PGLS: variants seen among roughly 807,000 people sequenced by gnomAD.
PGLS encodes the protein epididymis secretory protein Li 304.
Under a neutral mutation model 23.2 loss-of-function variants are expected in PGLS, and 21 were observed. That is an observed-to-expected ratio of 0.91 (90% CI 0.64 to 1.31). PGLS has a LOEUF of 1.31. Ranked by LOEUF, PGLS falls within the 50% of genes most tolerant of loss-of-function variation. The probability of loss-of-function intolerance (pLI) is 0.00; values close to 1 mark genes in which losing one functional copy is unlikely to be tolerated. For missense variants in PGLS, 410 were observed against 354.0 expected (o/e 1.16, Z -1.27); for synonymous variants, 179 against 165.4 (o/e 1.08, Z -0.63).
At chr19:17,520,675 G>C (rs1947483473) in intron 4 of PGLS, 1 of 284,264 alleles carries the variant, frequency 3.5e-6, no homozygotes, top group Non-Finnish European at 6.4e-6. Context: ...AGGTTGCCGT[G>C]AGCCAAGATC....
chr19:17,518,987 C>T (rs948658994), intron 4 of PGLS, among the ~76,000 whole-genome samples: 4 of 152,140 alleles, frequency 2.6e-5, no homozygotes, highest in African/African-American at 7.2e-5. Context: ...ATTACCACTG[C>T]ACTGGGGAAC....
intron 4 of PGLS, among the ~76,000 whole-genome samples, chr19:17,519,694 C>A (rs1454655513): frequency 6.6e-6 from 1 of 152,160 alleles, no homozygotes; most frequent in African/African-American, 2.4e-5. Context: ...ACCACCGCAC[C>A]CGGCCCAGAA....
chr19:17,517,369 C>T lies in PGLS; in HGVS notation c.478C>T (p.Pro160Ser). 1 of 1,613,484 alleles carries T rather than the reference C, an allele frequency of 6.2e-7. No individual in the cohort carries two copies. Among genetic ancestry groups the T allele is most frequent in the Non-Finnish European group, 8.5e-7 (1 of 1,179,496 alleles). ...CGATGGTCACACCTGCTCACTCTTC[C>T]CAGACCACCCCCTCCTACAGGTGAG... ...GPDGHTCSLFPDHPLLQEREK... is the reference protein window; with the variant it reads ...GPDGHTCSLFSDHPLLQEREK... The change falls in exon 3 of 5, where the codon CCA becomes TCA. Residue 160 changes from proline (P) to serine (S), a missense_variant. Coordinates refer to ENST00000252603, the MANE Select transcript of PGLS (RefSeq NM_012088.3).
intron 3 of PGLS, 124 bp downstream of exon 3, chr19:17,517,513 C>T: frequency 1.1e-6 from 1 of 949,884 alleles, no homozygotes; most frequent in Non-Finnish European, 1.6e-6. Flanking sequence ...CAGCCTCCAC[C>T]AACATACCTG....
chr19:17,513,306 G>A (rs1373110337), intron 1 of PGLS: 1 of 151,906 alleles, frequency 6.6e-6, no homozygotes, highest in Non-Finnish European at 1.5e-5. Context: ...GAGGCGGGCG[G>A]ATCACGAGGT....
chr19:17,513,065 C>T (rs949406504), intron 1 of PGLS: 10 of 152,158 alleles, frequency 6.6e-5, no homozygotes, highest in African/African-American at 9.7e-5. Context: ...ATTTAACTTC[C>T]GCCTTCCTGT....
intron 1 of PGLS, chr19:17,512,310 A>T: frequency 2.9e-6 from 1 of 341,006 alleles, no homozygotes; most frequent in Non-Finnish European, 5.5e-6. Context: ...AACCCCGCCT[A>T]CAGTGGGTCC....
chr19:17,517,010 A>G (rs1244201789), intron 2 of PGLS, among the ~76,000 whole-genome samples: 1 of 147,610 alleles, frequency 6.8e-6, no homozygotes, highest in Non-Finnish European at 1.5e-5. Context: ...TCAGCCTCCC[A>G]AGTAGCTAGG....
chr19:17,514,260 C>T (rs1221549302), intron 1 of PGLS, among the ~76,000 whole-genome samples: 1 of 152,154 alleles, frequency 6.6e-6, no homozygotes, highest in African/African-American at 2.4e-5. Flanking sequence ...CTTGGGGTCA[C>T]ACCATTCCAA....
Position 17,521,032 on chromosome 19 carries a change from C to A in PGLS, c.728C>A (p.Ala243Glu), listed in dbSNP as rs920123881. 2 of 1,600,376 alleles carry A rather than the reference C, an allele frequency of 1.2e-6. No individual in the cohort carries two copies. Among genetic ancestry groups the A allele is most frequent in the Non-Finnish European group, 1.7e-6 (2 of 1,172,818 alleles). ...TGKLCWFLDE[A>E]AARLLTVPFE... ...AAACTGTGCTGGTTCTTGGACGAGG[C>A]GGCCGCCCGCCTCCTGACCGTGCCC... Residue 243 changes from alanine to glutamate, a missense_variant, in exon 5 of 5, where the codon GCG (alanine) becomes GAG (glutamate). Physicochemically the swap from Ala to Glu is moderately radical, Grantham distance 107. Coordinates refer to ENST00000252603, the MANE Select transcript of PGLS (RefSeq NM_012088.3).
intron 3 of PGLS, 152 bp from the exon 4 acceptor site, chr19:17,517,558 G>C (rs563197796): frequency 1.2e-5 from 12 of 975,246 alleles, no homozygotes; most frequent in African/African-American, 8.1e-5. Context: ...TCTCAGTTGA[G>C]CCCCTTAAAA....
intron 4 of PGLS, among the ~76,000 whole-genome samples, chr19:17,519,065 G>A (rs2075545860): frequency 6.6e-6 from 1 of 151,920 alleles, no homozygotes; most frequent in South Asian, 2.1e-4. Context: ...TGTAATCCCA[G>A]CACTTTGGGA....
intron 4 of PGLS, 102 bp from the exon 5 acceptor site, chr19:17,520,842 G>A: frequency 7.7e-7 from 1 of 1,301,976 alleles, no homozygotes. Flanking sequence ...ACATTTTGAG[G>A]ATACAAGAGT....
At chr19:17,518,804 T>G (rs2144645818) in intron 4 of PGLS, among the ~76,000 whole-genome samples, 1 of 152,184 alleles carries the variant, frequency 6.6e-6, no homozygotes, top group African/African-American at 2.4e-5. Context: ...GTGCTGGGAT[T>G]ACAGATATGA....
Position 17,516,554 on chromosome 19 carries a change from T to C in PGLS, c.396+274T>C. On this transcript the variant is annotated intron_variant, in intron 2 of 4. Coordinates refer to ENST00000252603, the MANE Select transcript of PGLS (RefSeq NM_012088.3). ...TTTGATCACAGGCTACATTGAGCAC[T>C]GTTTCCTGCGTTACAGCTACTTGTA... 6 of 1,175,064 alleles carry C rather than the reference T, an allele frequency of 5.1e-6. No homozygotes were observed. The South Asian group carries it at 1.4e-4, about 27-fold the overall frequency. The allele number at this position is 1,175,064 out of a possible 1,614,324, so 72.8% of individuals were successfully genotyped here.
chr19:17,519,314 C>CA (rs58361133), intron 4 of PGLS, among the ~76,000 whole-genome samples: 76,747 of 137,448 alleles, frequency 0.56, 20,631 homozygotes, highest in Admixed American at 0.62. Flanking sequence ...AACTCAGTCT[C>CA]AAAAAAAAAA....
At chr19:17,515,929 ACCT>A in intron 1 of PGLS, 1 of 378,250 alleles carries the variant, frequency 2.6e-6, no homozygotes, top group Non-Finnish European at 5.1e-6. Flanking sequence ...TTGCCCTTGA[ACCT>A]CCTCTGCCCT....
intron 1 of PGLS, among the ~76,000 whole-genome samples, chr19:17,515,311 T>C (rs189734483): frequency 6.6e-6 from 1 of 152,308 alleles, no homozygotes; most frequent in Non-Finnish European, 1.5e-5. Context: ...GTTTACTTCG[T>C]GGCTCACCTT....
At chr19:17,515,309 C>T (rs781704612) in intron 1 of PGLS, among the ~76,000 whole-genome samples, 4 of 152,178 alleles carry the variant, frequency 2.6e-5, no homozygotes, top group Non-Finnish European at 4.4e-5. Context: ...GCGTTTACTT[C>T]GTGGCTCACC....
Sources: allele counts gnomAD v4.1 joint callset (sites outside exome capture counted in the v4.1 genomes callset), GRCh38; gene constraint gnomAD v4.1.1; transcripts MANE v1.5; gene names NCBI Gene and HGNC (gene_info 2026-07-23, HGNC 2026-07-21).